Variants in WARS2 observed in about 807,000 individuals in gnomAD.
WARS2 encodes the protein tryptophanyl tRNA synthetase 2, mitochondrial.
Under a neutral mutation model 36.5 loss-of-function variants are expected in WARS2, and 28 were observed. That is an observed-to-expected ratio of 0.77 (90% CI 0.57 to 1.05). WARS2 has a LOEUF of 1.05. Ranked by LOEUF, WARS2 falls within the 50% of genes least tolerant of loss-of-function variation. The pLI, the probability that WARS2 is intolerant of heterozygous loss-of-function variation, is 0.00. For missense variants in WARS2, 435 were observed against 456.8 expected (o/e 0.95, Z 0.44); for synonymous variants, 174 against 178.4 (o/e 0.98, Z 0.20).
intron 1 of WARS2, among the ~76,000 whole-genome samples, chr1:119,078,161 T>G (rs1314642677): frequency 6.6e-6 from 1 of 152,206 alleles, no homozygotes; most frequent in East Asian, 1.9e-4. Context: ...TCAAAGCCCA[T>G]GTATGCTCTC....
At chr1:119,067,122 T>C (rs933025446) in intron 2 of WARS2, among the ~76,000 whole-genome samples, 2 of 130,346 alleles carry the variant, frequency 1.5e-5, no homozygotes, top group African/African-American at 2.9e-5. Context: ...GCATGTAACA[T>C]TGTACACAAA....
At chr1:119,140,449 T>C in intron 1 of WARS2, 106 bp downstream of exon 1, 4 of 1,029,328 alleles carry the variant, frequency 3.9e-6, no homozygotes, top group Non-Finnish European at 5.8e-6. Context: ...AGGGAAGGCA[T>C]GTACTTTCCC....
chr1:119,034,132 C>A lies in WARS2; in HGVS notation c.597G>T (p.Lys199Asn). 1 of 1,614,040 alleles carries A rather than the reference C, an allele frequency of 6.2e-7. No homozygotes were observed. Among genetic ancestry groups the A allele is most frequent in the Non-Finnish European group, 8.5e-7 (1 of 1,179,904 alleles). Reference protein sequence around the residue: ...VQDLAQGFNKKYGEFFPVPES... With the variant: ...VQDLAQGFNKNYGEFFPVPES... ...CGGGCACTGGAAAGAACTCCCCATA[C>A]TTCTTGTTGAAACCTTGTGCTAGAT... is the stretch of plus-strand genomic sequence containing the variant. The change falls in exon 5 of 6, where the codon AAG (lysine) becomes AAT (asparagine). Residue 199 changes from lysine to asparagine, a missense_variant. Lys to Asn is a moderately conservative substitution (Grantham distance 94). Transcript: ENST00000235521.
At chr1:119,140,447 C>T (rs1022354266) in intron 1 of WARS2, 108 bp downstream of exon 1, 17 of 984,786 alleles carry the variant, frequency 1.7e-5, no homozygotes, top group Admixed American at 2.4e-5. Flanking sequence ...CGAGGGAAGG[C>T]ATGTACTTTC....
At chr1:119,033,752 T>C (rs1405921317) in intron 5 of WARS2, among the ~76,000 whole-genome samples, 1 of 152,240 alleles carries the variant, frequency 6.6e-6, no homozygotes, top group Non-Finnish European at 1.5e-5. Flanking sequence ...CAACTTACAA[T>C]GGCTTTATCA....
chr1:119,071,408 C>T (rs1301325798), intron 2 of WARS2, among the ~76,000 whole-genome samples: 1 of 152,088 alleles, frequency 6.6e-6, no homozygotes, highest in African/African-American at 2.4e-5. Flanking sequence ...TTTATTGCAG[C>T]ACTATTCATA....
chr1:119,035,249 T>A (rs1395857048), intron 4 of WARS2, among the ~76,000 whole-genome samples: 4 of 152,158 alleles, frequency 2.6e-5, no homozygotes, highest in Non-Finnish European at 2.9e-5. Context: ...ATTTTATACA[T>A]GCAATGCTTG....
intron 1 of WARS2, among the ~76,000 whole-genome samples, chr1:119,098,163 C>T (rs923485882): frequency 6.6e-6 from 1 of 151,946 alleles, no homozygotes; most frequent in African/African-American, 2.4e-5. Context: ...GCAGAAGAAT[C>T]GCTTGAACCC....
chr1:119,067,356 G>A (rs954887177), intron 2 of WARS2, among the ~76,000 whole-genome samples: 1 of 152,182 alleles, frequency 6.6e-6, no homozygotes, highest in Non-Finnish European at 1.5e-5. Context: ...TACTTGTAAT[G>A]TTTAATATGT....
chr1:119,091,293 G>C (rs2101407656), intron 1 of WARS2, among the ~76,000 whole-genome samples: 1 of 152,308 alleles, frequency 6.6e-6, no homozygotes, highest in South Asian at 2.1e-4. Context: ...TATAGCAAGA[G>C]CTATAAATGT....
intron 1 of WARS2, among the ~76,000 whole-genome samples, chr1:119,090,687 C>T (rs939296526): frequency 2.0e-5 from 3 of 151,898 alleles, no homozygotes; most frequent in East Asian, 1.9e-4. Context: ...GCCTGGTCAA[C>T]GTAGGGAGAT....
At chr1:119,126,010 T>G (rs1388864740) in intron 1 of WARS2, among the ~76,000 whole-genome samples, 1 of 152,228 alleles carries the variant, frequency 6.6e-6, no homozygotes, top group Non-Finnish European at 1.5e-5. Flanking sequence ...CATCCTTTAA[T>G]TCCCACTGTA....
At chr1:119,097,218 G>C (rs187695344) in intron 1 of WARS2, among the ~76,000 whole-genome samples, 1 of 152,304 alleles carries the variant, frequency 6.6e-6, no homozygotes, top group African/African-American at 2.4e-5. Flanking sequence ...CTATCTTGAT[G>C]AGAAATGTGT....
chr1:119,085,331 T>C (rs12738768), intron 1 of WARS2: 42,079 of 1,311,630 alleles, frequency 0.032, 1,595 homozygotes, highest in East Asian at 0.17. Flanking sequence ...ACTTCTGAGC[T>C]CTCTCCTAGT....
In WARS2 at chr1:119,054,948, G is replaced by A. The variant is rs115441625; in HGVS notation, c.349-9286C>T. On this transcript the variant is annotated intron_variant, in intron 2 of 5. Transcript: ENST00000235521. The stretch of plus-strand genomic sequence containing the variant: ...TAATGGGTATAGAATTTTCAGTTTT[G>A]CAAGATGAAAAAGTTCTAGAGATTG... Among the ~76,000 whole-genome samples, 546 of 152,186 alleles carry A rather than the reference G, an allele frequency of 3.6e-3. 6 individuals carry two copies. Among genetic ancestry groups the A allele is most frequent in the African/African-American group, 0.012 (515 of 41,514 alleles).
At chr1:119,129,698 GAGTGATACTCT>G (rs1481136063) in intron 1 of WARS2, among the ~76,000 whole-genome samples, 1 of 150,942 alleles carries the variant, frequency 6.6e-6, no homozygotes, top group Non-Finnish European at 1.5e-5. Flanking sequence ...CTGGGCAACA[GAGTGATACTCT>G]ATCTCAAAAA....
chr1:119,108,129 T>C (rs1355051343), intron 1 of WARS2, among the ~76,000 whole-genome samples: 1 of 152,070 alleles, frequency 6.6e-6, no homozygotes, highest in Non-Finnish European at 1.5e-5. Context: ...CATACTGATC[T>C]ATAATTTTCT....
intron 1 of WARS2, among the ~76,000 whole-genome samples, chr1:119,136,593 G>A (rs950952109): frequency 3.3e-5 from 5 of 152,340 alleles, no homozygotes; most frequent in Middle Eastern, 3.4e-3. Context: ...GATGATTGTA[G>A]TAGCTCTTGA....
intron 1 of WARS2, among the ~76,000 whole-genome samples, chr1:119,138,349 T>C (rs1353702013): frequency 1.3e-5 from 2 of 152,172 alleles, no homozygotes; most frequent in African/African-American, 4.8e-5. Context: ...ATAACAGCAT[T>C]GTGGGACAAG....
Sources: allele counts gnomAD v4.1 joint callset (sites outside exome capture counted in the v4.1 genomes callset), GRCh38; gene constraint gnomAD v4.1.1; transcripts MANE v1.5; gene names NCBI Gene and HGNC (gene_info 2026-07-23, HGNC 2026-07-21).